KLF12: variants seen among roughly 807,000 people sequenced by gnomAD.
The protein encoded by KLF12 is KLF transcription factor 12.
A neutral mutation model predicts 37.8 loss-of-function variants in KLF12; 9 were observed. That is an observed-to-expected ratio of 0.24 (90% CI 0.14 to 0.42). The LOEUF (loss-of-function observed/expected upper bound fraction) is 0.42. Ranked by LOEUF, KLF12 falls within the 10% of genes least tolerant of loss-of-function variation. KLF12 has a pLI of 1.00. For missense variants in KLF12, 411 were observed against 516.0 expected, an observed-to-expected ratio of 0.80 and a Z score of 1.97; for synonymous variants, 208 against 202.1, an observed-to-expected ratio of 1.03 and a Z score of -0.25.
the KLF12 span, among the ~76,000 whole-genome samples, chr13:74,201,265 C>G: frequency 6.6e-6 from 1 of 152,140 alleles, no homozygotes. Flanking sequence ...CCAGTCTAAA[C>G]CTTTGGCAGC....
intron 1 of KLF12, among the ~76,000 whole-genome samples, chr13:73,995,352 G>T (rs1892080596): frequency 6.6e-6 from 1 of 152,086 alleles, no homozygotes; most frequent in Non-Finnish European, 1.5e-5. Context: ...AAAAGAAAGG[G>T]ATGCAACAGA....
chr13:73,915,543 C>T (rs1888780061), intron 3 of KLF12, among the ~76,000 whole-genome samples: 3 of 151,536 alleles, frequency 2.0e-5, no homozygotes, highest in South Asian at 2.1e-4. Context: ...GATGGAGTCT[C>T]GCTCTGTCGC....
Position 73,830,734 on chromosome 13 carries a change from G to T in KLF12, c.670+15093C>A, listed in dbSNP as rs149555484. On this transcript the variant is annotated intron_variant, in intron 4 of 7. Transcript: ENST00000377669. ...GGCAAGATAGAACAGGCGTGTCTGT[G>T]TTGTATATGTCTTTCTAACCAATTC... Among the ~76,000 whole-genome samples, 398 of 152,272 alleles carry T rather than the reference G, an allele frequency of 2.6e-3. 1 individual carries two copies. The highest frequency in any genetic ancestry group is 9.0e-3 in the African/African-American group (374 of 41,564).
At chr13:74,002,142 T>G (rs1477828972) in intron 1 of KLF12, among the ~76,000 whole-genome samples, 1 of 152,198 alleles carries the variant, frequency 6.6e-6, no homozygotes, top group Non-Finnish European at 1.5e-5. Context: ...CTGGCTGAAT[T>G]CATCAACCCA....
At chr13:73,993,186 C>T (rs541514467) in intron 2 of KLF12, among the ~76,000 whole-genome samples, 3 of 152,292 alleles carry the variant, frequency 2.0e-5, no homozygotes, top group Admixed American at 1.3e-4. Context: ...AAGCCGAGAT[C>T]GCGCCACTGC....
chr13:74,275,820 TTCTTTC>T, the KLF12 span, among the ~76,000 whole-genome samples: 2 of 107,426 alleles, frequency 1.9e-5, no homozygotes, highest in Non-Finnish European at 3.9e-5. Flanking sequence ...CTTTCTTTCT[TTCTTTC>T]TTTCTTTCTT....
chr13:73,867,609 A>AG (rs954995388), intron 3 of KLF12, among the ~76,000 whole-genome samples: 1 of 3,186 alleles, frequency 3.1e-4, no homozygotes, highest in Non-Finnish European at 0.019. Flanking sequence ...AGACAGGGGG[A>AG]AAAAAAAATT....
the KLF12 span, among the ~76,000 whole-genome samples, chr13:74,189,432 G>A: frequency 6.6e-6 from 1 of 152,168 alleles, no homozygotes; most frequent in South Asian, 2.1e-4. Flanking sequence ...TCCGTAGATG[G>A]CACCGAGCTT....
intron 1 of KLF12, among the ~76,000 whole-genome samples, chr13:73,996,462 A>T (rs904192652): frequency 6.6e-6 from 1 of 152,238 alleles, no homozygotes. Context: ...ATCAAGGTAC[A>T]TCAAAACCTG....
the KLF12 span, among the ~76,000 whole-genome samples, chr13:74,153,565 T>G: frequency 6.6e-6 from 1 of 152,332 alleles, no homozygotes; most frequent in African/African-American, 2.4e-5. Flanking sequence ...TTGGTCCAGC[T>G]GTTGCCTCAT....
chr13:74,049,644 GA>G (rs1872780904), intron 1 of KLF12, among the ~76,000 whole-genome samples: 1 of 152,166 alleles, frequency 6.6e-6, no homozygotes. Flanking sequence ...TGGTCTTTCA[GA>G]AAGCAGAACA....
At chr13:73,711,885 T>C (rs1460048624) in intron 7 of KLF12, among the ~76,000 whole-genome samples, 4 of 152,210 alleles carry the variant, frequency 2.6e-5, no homozygotes, top group African/African-American at 4.8e-5. Context: ...TTCACCATTC[T>C]AGATGCCATT....
At chr13:74,090,867 C>T (rs1280208600) in intron 1 of KLF12, among the ~76,000 whole-genome samples, 2 of 145,586 alleles carry the variant, frequency 1.4e-5, no homozygotes, top group Non-Finnish European at 3.0e-5. Context: ...CATTAAAAAA[C>T]ATAAAAATAA....
At chr13:73,907,235 C>A (rs761885511) in intron 3 of KLF12, among the ~76,000 whole-genome samples, 1 of 152,144 alleles carries the variant, frequency 6.6e-6, no homozygotes, top group Non-Finnish European at 1.5e-5. Context: ...ATATTAACCT[C>A]CCCTGCCTGT....
chr13:73,977,796 A>G (rs9543505), intron 2 of KLF12, among the ~76,000 whole-genome samples: 132,740 of 152,244 alleles, frequency 0.87, 58,077 homozygotes, highest in Middle Eastern at 0.93. Context: ...GGAACAGAAC[A>G]GAGTTCAGAA....
chr13:74,241,688 A>G, the KLF12 span, among the ~76,000 whole-genome samples: 1 of 152,264 alleles, frequency 6.6e-6, no homozygotes, highest in South Asian at 2.1e-4. Context: ...AAAGCGCAGT[A>G]TTCGGGTGGG....
At chr13:74,080,461 CTG>C (rs1874814016) in intron 1 of KLF12, among the ~76,000 whole-genome samples, 1 of 151,480 alleles carries the variant, frequency 6.6e-6, no homozygotes, top group African/African-American at 2.4e-5. Context: ...TTGCACAACA[CTG>C]TGAATATATA....
At chr13:74,268,497 T>C in the KLF12 span, among the ~76,000 whole-genome samples, 1 of 152,214 alleles carries the variant, frequency 6.6e-6, no homozygotes, top group Admixed American at 6.5e-5. Context: ...CTGCTGGTCA[T>C]GGGATAAGTG....
chr13:73,851,813 T>G (rs1344153043), intron 3 of KLF12, among the ~76,000 whole-genome samples: 1 of 152,196 alleles, frequency 6.6e-6, no homozygotes, highest in African/African-American at 2.4e-5. Flanking sequence ...AAACTAAATC[T>G]ATGACTCCAC....
Sources: allele counts gnomAD v4.1 joint callset (sites outside exome capture counted in the v4.1 genomes callset), GRCh38; gene constraint gnomAD v4.1.1; transcripts MANE v1.5; gene names NCBI Gene and HGNC (gene_info 2026-07-23, HGNC 2026-07-21).